Variants in ZNF804B observed in about 807,000 individuals in gnomAD.
ZNF804B encodes zinc finger protein 804B, also known as zinc finger 804B.
A neutral mutation model predicts 101.4 loss-of-function variants in ZNF804B; 80 were observed. The observed-to-expected ratio is 0.79, with a 90% CI of 0.66 to 0.95. The LOEUF (loss-of-function observed/expected upper bound fraction) is 0.95. ZNF804B is among the 40% of genes least tolerant of loss of function. The pLI, the probability that ZNF804B is intolerant of heterozygous loss-of-function variation, is 0.00. For synonymous variants in ZNF804B, 622 were observed against 558.8 expected, an observed-to-expected ratio of 1.11 and a Z score of -1.59; for missense variants, 1,673 against 1,561.9, an observed-to-expected ratio of 1.07 and a Z score of -1.20.
intron 1 of ZNF804B, among the ~76,000 whole-genome samples, chr7:89,157,909 T>C (rs1043827754): frequency 2.6e-5 from 4 of 152,184 alleles, no homozygotes. Flanking sequence ...TGAAAGTTAA[T>C]ACCGTAAGTT....
chr7:88,791,083 A>T (rs75651120), intron 1 of ZNF804B, among the ~76,000 whole-genome samples: 28 of 152,216 alleles, frequency 1.8e-4, no homozygotes, highest in African/African-American at 5.3e-4. Flanking sequence ...AGTATAAATT[A>T]AAAAAATTCT....
At chr7:88,786,176 T>C (rs1303788291) in intron 1 of ZNF804B, among the ~76,000 whole-genome samples, 2 of 152,032 alleles carry the variant, frequency 1.3e-5, no homozygotes, top group African/African-American at 4.8e-5. Context: ...CCCAGTACCA[T>C]TTGAGAGAAA....
intron 1 of ZNF804B, among the ~76,000 whole-genome samples, chr7:89,160,786 C>G (rs570172466): frequency 6.6e-6 from 1 of 152,222 alleles, no homozygotes; most frequent in East Asian, 1.9e-4. Flanking sequence ...AACTAAATCC[C>G]CTCTTCATGC....
At chr7:89,096,637 A>G (rs761849358) in intron 1 of ZNF804B, among the ~76,000 whole-genome samples, 19 of 152,198 alleles carry the variant, frequency 1.2e-4, no homozygotes, top group Non-Finnish European at 2.5e-4. Flanking sequence ...TCAAAGTGAT[A>G]TGCATGATAT....
rs9690192 is a variant in ZNF804B, at chr7:88,881,363, G to A, written c.108+121279G>A. ...TTAGCACCATGAGAACAGTGTTTCTGCAAATTTTTTCTTCTAGGTGCCCAC... is the reference window on the plus strand; with the variant it reads ...TTAGCACCATGAGAACAGTGTTTCTACAAATTTTTTCTTCTAGGTGCCCAC... On this transcript the variant is annotated intron_variant, in intron 1 of 3. Transcript: ENST00000333190. Among the ~76,000 whole-genome samples, 887 of 152,174 alleles carry A rather than the reference G, an allele frequency of 5.8e-3. 8 individuals are homozygous for A. Among genetic ancestry groups the A allele is most frequent in the African/African-American group, 0.02 (845 of 41,560 alleles).
At chr7:88,916,953 A>G (rs908380005) in intron 1 of ZNF804B, among the ~76,000 whole-genome samples, 1 of 152,056 alleles carries the variant, frequency 6.6e-6, no homozygotes, top group Non-Finnish European at 1.5e-5. Flanking sequence ...ATTAGCTGTA[A>G]TATAATGTGT....
chr7:89,100,882 TAAAAG>T (rs564134562), intron 1 of ZNF804B, among the ~76,000 whole-genome samples: 300 of 152,076 alleles, frequency 2.0e-3, no homozygotes, highest in African/African-American at 7.0e-3. Context: ...ATTAAATAAT[TAAAAG>T]AAACCATAAT....
At chr7:88,980,026 A>G (rs1044009079) in intron 1 of ZNF804B, among the ~76,000 whole-genome samples, 3 of 151,024 alleles carry the variant, frequency 2.0e-5, no homozygotes, top group Non-Finnish European at 4.4e-5. Flanking sequence ...TCTTTAGTAT[A>G]TAAGTTGGAT....
chr7:89,296,339 C>G (rs13229500), intron 2 of ZNF804B, among the ~76,000 whole-genome samples: 17,983 of 151,712 alleles, frequency 0.12, 2,336 homozygotes, highest in East Asian at 0.69. Flanking sequence ...AATGTTTGAC[C>G]TCTTTATTTT....
intron 1 of ZNF804B, among the ~76,000 whole-genome samples, chr7:89,004,623 T>G (rs1788344266): frequency 6.6e-6 from 1 of 151,924 alleles, no homozygotes; most frequent in South Asian, 2.1e-4. Flanking sequence ...CAATTTTTGC[T>G]TCTTTATGCA....
intron 2 of ZNF804B, among the ~76,000 whole-genome samples, chr7:89,296,014 A>G (rs1790376613): frequency 6.6e-6 from 1 of 152,110 alleles, no homozygotes. Flanking sequence ...AGGGTGGAAG[A>G]GGGAACGGAT....
At chr7:89,022,313 C>G (rs1788679707) in intron 1 of ZNF804B, among the ~76,000 whole-genome samples, 1 of 152,138 alleles carries the variant, frequency 6.6e-6, no homozygotes, top group African/African-American at 2.4e-5. Context: ...AGTCAGCCAT[C>G]TTGCTGACTT....
At chr7:89,130,688 G>T (rs968356924) in intron 1 of ZNF804B, among the ~76,000 whole-genome samples, 4 of 151,894 alleles carry the variant, frequency 2.6e-5, no homozygotes, top group Admixed American at 2.6e-4. Context: ...CGCCTTTAAA[G>T]AATACATTGA....
chr7:89,010,240 T>A (rs1317729842), intron 1 of ZNF804B, among the ~76,000 whole-genome samples: 2 of 151,928 alleles, frequency 1.3e-5, no homozygotes, highest in Non-Finnish European at 2.9e-5. Context: ...TAACTGACAC[T>A]CAGAGAAGTC....
chr7:89,036,835 G>A (rs952522110), intron 1 of ZNF804B, among the ~76,000 whole-genome samples: 2 of 152,028 alleles, frequency 1.3e-5, no homozygotes, highest in Non-Finnish European at 2.9e-5. Context: ...TTTGAATAAA[G>A]GGCCAATATT....
rs74998857 is a variant in ZNF804B, at chr7:89,024,070, A to G, written c.109-194085A>G. 3.1e-3 allele frequency among the ~76,000 whole-genome samples: 473 copies of G among 152,308 alleles called. 8 individuals are homozygous for G. The highest frequency in any genetic ancestry group is 0.011 in the African/African-American group (452 of 41,582). Reference sequence around the variant, plus strand: ...CTTAATGCTTCACATTTTGCATTAAAACAGTGAAGACCTCACTGCCAAACA... The same window carrying G: ...CTTAATGCTTCACATTTTGCATTAAGACAGTGAAGACCTCACTGCCAAACA... On this transcript the variant is annotated intron_variant, in intron 1 of 3. Coordinates refer to ENST00000333190, the MANE Select transcript of ZNF804B (RefSeq NM_181646.5).
intron 2 of ZNF804B, among the ~76,000 whole-genome samples, chr7:89,240,115 G>A (rs565054376): frequency 1.3e-5 from 2 of 151,060 alleles, no homozygotes; most frequent in Admixed American, 1.3e-4. Flanking sequence ...TAAAAGAGAA[G>A]CATGATTTAT....
chr7:88,790,206 G>T (rs893520228), intron 1 of ZNF804B, among the ~76,000 whole-genome samples: 2 of 151,890 alleles, frequency 1.3e-5, no homozygotes, highest in African/African-American at 4.8e-5. Flanking sequence ...ATTTTTCTGT[G>T]GGTTAAGTTA....
chr7:89,317,374 G>T (rs553277070), intron 2 of ZNF804B, among the ~76,000 whole-genome samples: 2 of 152,214 alleles, frequency 1.3e-5, no homozygotes, highest in African/African-American at 2.4e-5. Context: ...TCTGGGAAAA[G>T]AGCAGAAAAA....
Sources: allele counts gnomAD v4.1 joint callset (sites outside exome capture counted in the v4.1 genomes callset), GRCh38; gene constraint gnomAD v4.1.1; transcripts MANE v1.5; gene names NCBI Gene and HGNC (gene_info 2026-07-23, HGNC 2026-07-21).